RIMS1: variants seen among roughly 807,000 people sequenced by gnomAD.
RIMS1 encodes the protein regulating synaptic membrane exocytosis protein 1.
RIMS1 carries 83 observed loss-of-function variants against 214.1 expected under a neutral mutation model. The ratio of observed to expected loss-of-function variants is 0.39; its 90% CI spans 0.32 to 0.47. The LOEUF (loss-of-function observed/expected upper bound fraction) is 0.47, where lower values mean the gene tolerates loss of function less well. Ranked by LOEUF, RIMS1 falls within the 20% of genes least tolerant of loss-of-function variation. The pLI is 0.99. For synonymous variants in RIMS1, 793 were observed against 786.8 expected, an observed-to-expected ratio of 1.01 and a Z score of -0.13; for missense variants, 2,050 against 2,161.8, an observed-to-expected ratio of 0.95 and a Z score of 1.03.
At chr6:72,358,625 A>G (rs1042374037) in intron 29 of RIMS1, among the ~76,000 whole-genome samples, 1 of 152,196 alleles carries the variant, frequency 6.6e-6, no homozygotes, top group African/African-American at 2.4e-5. Flanking sequence ...TTTGTCAAGG[A>G]AAAGCATGGG....
chr6:72,119,509 AAG>A (rs1363675370), intron 4 of RIMS1, among the ~76,000 whole-genome samples: 2 of 151,868 alleles, frequency 1.3e-5, no homozygotes, highest in Non-Finnish European at 2.9e-5. Context: ...ACACTTAGAA[AAG>A]AGAACAAATC....
chr6:72,347,339 GT>G (rs1163959822), intron 29 of RIMS1, among the ~76,000 whole-genome samples: 1 of 151,458 alleles, frequency 6.6e-6, no homozygotes, highest in Non-Finnish European at 1.5e-5. Context: ...ATACAGAAAA[GT>G]TTTCTGGAAT....
intron 2 of RIMS1, among the ~76,000 whole-genome samples, chr6:71,985,594 A>G (rs1217402980): frequency 6.6e-6 from 1 of 152,194 alleles, no homozygotes; most frequent in East Asian, 1.9e-4. Context: ...TTAAAGTTTG[A>G]AATATGTCTT....
At chr6:72,230,901 C>A (rs567448390) in intron 6 of RIMS1, among the ~76,000 whole-genome samples, 1 of 151,390 alleles carries the variant, frequency 6.6e-6, no homozygotes, top group Admixed American at 6.6e-5. Context: ...AAGCAGCTGA[C>A]GTATTTCCTG....
At chr6:72,042,704 G>A (rs1399835914) in intron 2 of RIMS1, among the ~76,000 whole-genome samples, 3 of 151,736 alleles carry the variant, frequency 2.0e-5, no homozygotes, top group Non-Finnish European at 4.4e-5. Context: ...ATTGTGCTTA[G>A]GATTTACAAA....
At chr6:72,397,015 A>T (rs958888119) in intron 31 of RIMS1, among the ~76,000 whole-genome samples, 1 of 152,100 alleles carries the variant, frequency 6.6e-6, no homozygotes, top group African/African-American at 2.4e-5. Flanking sequence ...TCTGTCTCAA[A>T]TAAATAAATA....
In RIMS1 at chr6:72,307,354, G is replaced by A. The variant is rs756787710; in HGVS notation, c.3947G>A (p.Arg1316His). 8 of 1,596,384 alleles carry A rather than the reference G, an allele frequency of 5.0e-6. No homozygotes were observed. The highest frequency in any genetic ancestry group is 4.6e-5 in the South Asian group (4 of 87,370). Residue 1316 changes from arginine (R) to histidine (H), a missense_variant, in exon 27 of 34, where the codon CGC becomes CAC. Transcript: ENST00000521978. Reference sequence around the variant, plus strand: ...TCTGGTTCTAGTCAAGAACTTGATCGCGAGCAATATTCCAAGGTAAAATTA... The same window carrying A: ...TCTGGTTCTAGTCAAGAACTTGATCACGAGCAATATTCCAAGGTAAAATTA... Reference protein sequence around the residue: ...TGSGSSQELDREQYSKYNIHK... With the variant: ...TGSGSSQELDHEQYSKYNIHK...
rs528614074 is a variant in RIMS1, at chr6:72,133,920, A to C, written c.471+33934A>C. Among the ~76,000 whole-genome samples the C allele has an allele frequency of 1.9e-4, 29 of 152,252 alleles. 1 individual carries two copies. The highest frequency in any genetic ancestry group is 1.7e-3 in the South Asian group (8 of 4,824). On this transcript the variant is annotated intron_variant, in intron 4 of 33. Coordinates refer to ENST00000521978, the MANE Select transcript of RIMS1 (RefSeq NM_014989.7). Reference sequence around the variant, plus strand: ...ACTCAGATCCTGGCTGCATACTTATAAGTTGGATAACTTTAGGAAAATGAT... The same window carrying C: ...ACTCAGATCCTGGCTGCATACTTATCAGTTGGATAACTTTAGGAAAATGAT...
intron 31 of RIMS1, among the ~76,000 whole-genome samples, chr6:72,393,491 G>A (rs1425535646): frequency 2.6e-5 from 4 of 152,088 alleles, no homozygotes; most frequent in Admixed American, 6.5e-5. Flanking sequence ...TTGGGAGGCC[G>A]AGACAGGCGG....
rs530254258 is a variant in RIMS1, at chr6:72,123,520, A to T, written c.471+23534A>T. ...GTGCAGAGCTGAGTTCAATTCCTGGATATCCTTGTTAACTTTCTGTCTCGT... is the reference window on the plus strand; with the variant it reads ...GTGCAGAGCTGAGTTCAATTCCTGGTTATCCTTGTTAACTTTCTGTCTCGT... On this transcript the variant is annotated intron_variant, in intron 4 of 33. Coordinates refer to ENST00000521978, the MANE Select transcript of RIMS1 (RefSeq NM_014989.7). Among the ~76,000 whole-genome samples, 4 of 151,758 alleles carry T rather than the reference A, an allele frequency of 2.6e-5. No homozygotes were observed. In the South Asian group the frequency reaches 8.4e-4, roughly 32 times the overall value.
intron 1 of RIMS1, among the ~76,000 whole-genome samples, chr6:71,950,202 A>G (rs961901094): frequency 6.6e-6 from 1 of 152,186 alleles, no homozygotes; most frequent in Non-Finnish European, 1.5e-5. Context: ...ATGGGGTCTA[A>G]TGAGGAAAGG....
At chr6:72,010,958 C>T (rs1562104802) in intron 2 of RIMS1, among the ~76,000 whole-genome samples, 1 of 152,140 alleles carries the variant, frequency 6.6e-6, no homozygotes, top group Non-Finnish European at 1.5e-5. Context: ...TGACTTTCTT[C>T]ACAGAATTGG....
chr6:72,008,758 C>T (rs1225777082), intron 2 of RIMS1, among the ~76,000 whole-genome samples: 1 of 152,172 alleles, frequency 6.6e-6, no homozygotes, highest in Non-Finnish European at 1.5e-5. Flanking sequence ...GGGATCAATT[C>T]AACAAGAAGA....
intron 4 of RIMS1, among the ~76,000 whole-genome samples, chr6:72,105,043 A>G (rs1286939744): frequency 6.6e-6 from 1 of 151,954 alleles, no homozygotes; most frequent in Non-Finnish European, 1.5e-5. Flanking sequence ...CCATCTTTCC[A>G]CCTCAGTCTC....
intron 6 of RIMS1, among the ~76,000 whole-genome samples, chr6:72,198,990 T>G (rs1369156235): frequency 6.6e-6 from 1 of 151,798 alleles, no homozygotes. Context: ...AAACAAGAAA[T>G]AGTAGAACTA....
intron 2 of RIMS1, among the ~76,000 whole-genome samples, chr6:72,080,599 C>T (rs1037497082): frequency 3.3e-5 from 5 of 152,302 alleles, no homozygotes; most frequent in Middle Eastern, 3.4e-3. Flanking sequence ...AGCCAAATCC[C>T]GATGATGATG....
Position 72,158,678 on chromosome 6 carries a change from C to T in RIMS1, c.472-20897C>T, listed in dbSNP as rs1446184779. The stretch of plus-strand genomic sequence containing the variant: ...TGCGGTGTTTGGTTTTTTGTCCTTG[C>T]AATAGTTTTCTGAGAATGATGGTTT... On this transcript the variant is annotated intron_variant, in intron 4 of 33. Transcript: ENST00000521978. Among the ~76,000 whole-genome samples the T allele has an allele frequency of 6.6e-5, 9 of 136,376 alleles. 1 individual carries two copies. Among genetic ancestry groups the T allele is most frequent in the Non-Finnish European group, 1.3e-4 (8 of 60,434 alleles). The allele number at this position is 136,376 out of a possible 152,430, so 89.5% of individuals were successfully genotyped here.
At chr6:72,097,270 T>TAC (rs1586878176) in intron 3 of RIMS1, 108 bp downstream of exon 3, 2 of 965,966 alleles carry the variant, frequency 2.1e-6, no homozygotes. Flanking sequence ...TGCATAAACA[T>TAC]ACACGTTAAA....
intron 4 of RIMS1, among the ~76,000 whole-genome samples, chr6:72,174,206 T>C (rs1439123014): frequency 6.6e-6 from 1 of 152,190 alleles, no homozygotes; most frequent in African/African-American, 2.4e-5. Context: ...AGAAATTCAT[T>C]GTTATCTCCC....
Sources: gnomAD v4.1 joint callset for allele counts (sites outside exome capture counted in the v4.1 genomes callset) on GRCh38, gnomAD v4.1.1 for gene constraint, MANE v1.5 for transcripts, NCBI Gene and HGNC (gene_info 2026-07-23, HGNC 2026-07-21) for gene names.